The following EMCN variants were observed in gnomAD, a reference collection of about 807,000 sequenced individuals.
The protein encoded by EMCN is endomucin, also known as MUC-14.
Under a neutral mutation model 38.4 loss-of-function variants are expected in EMCN, and 37 were observed. That is an observed-to-expected ratio of 0.96 (90% confidence interval 0.74 to 1.27). EMCN has a LOEUF of 1.27. Among genes scored for constraint, EMCN ranks in the 50% most tolerant of loss-of-function variants. The pLI, the probability that EMCN is intolerant of heterozygous loss-of-function variation, is 0.00. For synonymous variants in EMCN, 95 were observed against 100.8 expected, an observed-to-expected ratio of 0.94 and a Z score of 0.35; for missense variants, 318 against 302.8, an observed-to-expected ratio of 1.05 and a Z score of -0.37.
Position 100,480,003 on chromosome 4 carries a change from G to A in EMCN, c.101C>T (p.Thr34Ile). ...LEAANNSLVV[T>I]TTKPSITTPN... ...TGTTGTTATAGATGGTTTTGTTGTA[G>A]TAACAACAAGTGAATTATTAGCTGC... Residue 34 changes from threonine (T) to isoleucine (I), a missense_variant, in exon 2 of 12, where the codon ACT becomes ATT. Coordinates refer to ENST00000296420, the MANE Select transcript of EMCN (RefSeq NM_016242.4). 1.3e-6 allele frequency: 2 copies of A among 1,597,064 alleles called. No homozygotes were observed. The highest frequency in any genetic ancestry group is 1.7e-6 in the Non-Finnish European group (2 of 1,175,658).
chr4:100,448,178 C>A (rs1383399267), intron 4 of EMCN, among the ~76,000 whole-genome samples: 1 of 152,022 alleles, frequency 6.6e-6, no homozygotes, highest in Non-Finnish European at 1.5e-5. Context: ...TCCAGGAGAG[C>A]TTTCTGCAAG....
At chr4:100,505,125 T>C (rs1460553463) in intron 1 of EMCN, among the ~76,000 whole-genome samples, 1 of 152,100 alleles carries the variant, frequency 6.6e-6, no homozygotes, top group Non-Finnish European at 1.5e-5. Flanking sequence ...TACCTATCAT[T>C]GGAGATGGCT....
chr4:100,490,410 A>G (rs536164385), intron 1 of EMCN, among the ~76,000 whole-genome samples: 2 of 152,306 alleles, frequency 1.3e-5, no homozygotes, highest in African/African-American at 2.4e-5. Flanking sequence ...TAGCCCAAGT[A>G]TACAGTGTTT....
intron 5 of EMCN, among the ~76,000 whole-genome samples, chr4:100,441,597 C>A (rs767871032): frequency 6.6e-5 from 10 of 152,012 alleles, no homozygotes; most frequent in Non-Finnish European, 1.3e-4. Flanking sequence ...CATTGTCTAC[C>A]TTTGTAATTT....
rs55845707 is a variant in EMCN at position 100,447,409 on chromosome 4, T to C, written c.415+124A>G. 3.6e-3 allele frequency: 2,437 copies of C among 676,756 alleles called. 41 individuals are homozygous for C. The African/African-American group carries it at 0.038, about 11-fold the overall frequency. 41.9% of individuals were successfully genotyped at this position (676,756 alleles called of 1,614,324 possible). On this transcript the variant is annotated intron_variant, in intron 5 of 11. Coordinates refer to ENST00000296420, the MANE Select transcript of EMCN (RefSeq NM_016242.4). ...CTCAAGTTTTTCTAAACATTTTATT[T>C]GTGATGTAATGTTTTCCCTTGTGCT...
chr4:100,469,780 T>C (rs1728423995), intron 3 of EMCN, among the ~76,000 whole-genome samples: 1 of 152,018 alleles, frequency 6.6e-6, no homozygotes, highest in Non-Finnish European at 1.5e-5. Flanking sequence ...TCTGTTCCAT[T>C]TGTCTATGGT....
In EMCN at chr4:100,415,963, T is replaced by G; in HGVS notation, c.690-4A>C. On this transcript the variant is annotated splice_polypyrimidine_tract_variant and splice_region_variant and intron_variant, in intron 9 of 11. Coordinates refer to ENST00000296420, the MANE Select transcript of EMCN (RefSeq NM_016242.4). ...GCTCTCTTTATCAGACTGAGGTCTATTTGAAAAAAAAAACATGAAATTAAC... is the reference window on the plus strand; with the variant it reads ...GCTCTCTTTATCAGACTGAGGTCTAGTTGAAAAAAAAAACATGAAATTAAC... 1 of 1,577,872 alleles carries G rather than the reference T, an allele frequency of 6.3e-7. No homozygotes were observed. Among genetic ancestry groups the G allele is most frequent in the Non-Finnish European group, 8.6e-7 (1 of 1,163,898 alleles).
intron 1 of EMCN, among the ~76,000 whole-genome samples, chr4:100,492,530 A>T (rs892058416): frequency 3.3e-5 from 5 of 152,182 alleles, no homozygotes; most frequent in African/African-American, 9.6e-5. Flanking sequence ...CTGGGGGAAA[A>T]TTTTAACATT....
chr4:100,452,609 C>A (rs1438451913), intron 4 of EMCN, among the ~76,000 whole-genome samples: 1 of 152,054 alleles, frequency 6.6e-6, no homozygotes, highest in African/African-American at 2.4e-5. Context: ...TTACAGTGTG[C>A]AAGATATCTC....
chr4:100,457,891 G>C (rs774855204), intron 4 of EMCN, among the ~76,000 whole-genome samples: 1 of 152,122 alleles, frequency 6.6e-6, no homozygotes, highest in African/African-American at 2.4e-5. Flanking sequence ...GGCTCAGGTG[G>C]GTGGATCATG....
intron 4 of EMCN, among the ~76,000 whole-genome samples, chr4:100,462,619 C>A (rs138821168): frequency 6.6e-6 from 1 of 152,000 alleles, no homozygotes; most frequent in Non-Finnish European, 1.5e-5. Flanking sequence ...TCATATTATA[C>A]GTAGATGAAT....
At chr4:100,476,773 C>T (rs1242495542) in intron 2 of EMCN, among the ~76,000 whole-genome samples, 1 of 152,104 alleles carries the variant, frequency 6.6e-6, no homozygotes, top group Non-Finnish European at 1.5e-5. Context: ...AGCAAAATAT[C>T]AACTTTGCCA....
intron 8 of EMCN, 122 bp from the exon 9 acceptor site, chr4:100,417,263 A>T: frequency 1.2e-6 from 1 of 861,532 alleles, no homozygotes; most frequent in Non-Finnish European, 1.9e-6. Flanking sequence ...TTTCTAAGTC[A>T]TTTTAAAATA....
chr4:100,437,273 G>T (rs1727383392), intron 5 of EMCN, among the ~76,000 whole-genome samples: 1 of 151,814 alleles, frequency 6.6e-6, no homozygotes, highest in Non-Finnish European at 1.5e-5. Context: ...TTTTAATCAT[G>T]CTATTTGTCT....
At chr4:100,416,765 C>T (rs1578397820) in intron 9 of EMCN, among the ~76,000 whole-genome samples, 1 of 152,134 alleles carries the variant, frequency 6.6e-6, no homozygotes, top group East Asian at 1.9e-4. Flanking sequence ...GCACTGAGAA[C>T]TGGCTCAAGG....
chr4:100,415,146 C>T (rs1726680201), intron 10 of EMCN, among the ~76,000 whole-genome samples: 1 of 152,222 alleles, frequency 6.6e-6, no homozygotes, highest in Non-Finnish European at 1.5e-5. Context: ...ATCTGCCCGC[C>T]TCAGCCTCCC....
chr4:100,468,694 G>T, intron 3 of EMCN, among the ~76,000 whole-genome samples: 1 of 151,998 alleles, frequency 6.6e-6, no homozygotes, highest in East Asian at 1.9e-4. Flanking sequence ...TCAAGGAAAT[G>T]AAAGAGCTGC....
intron 4 of EMCN, among the ~76,000 whole-genome samples, chr4:100,448,015 A>T (rs564643038): frequency 5.9e-5 from 9 of 152,106 alleles, no homozygotes; most frequent in Admixed American, 5.3e-4. Context: ...CTGAGATAAC[A>T]TAGAAAACAA....
At chr4:100,485,889 C>A (rs2055408) in intron 1 of EMCN, among the ~76,000 whole-genome samples, 1 of 151,958 alleles carries the variant, frequency 6.6e-6, no homozygotes, top group African/African-American at 2.4e-5. Flanking sequence ...TGCCTTCCTC[C>A]AAAAATTGTA....
Sources: allele counts gnomAD v4.1 joint callset (sites outside exome capture counted in the v4.1 genomes callset), GRCh38; gene constraint gnomAD v4.1.1; transcripts MANE v1.5; gene names NCBI Gene and HGNC (gene_info 2026-07-23, HGNC 2026-07-21).